The following CDH12 variants were observed in gnomAD, a reference collection of about 807,000 sequenced individuals.
The protein encoded by CDH12 is cadherin-12.
Under a neutral mutation model 74.1 loss-of-function variants are expected in CDH12, and 41 were observed. That is an observed-to-expected ratio of 0.55 (90% confidence interval 0.43 to 0.72). The LOEUF (loss-of-function observed/expected upper bound fraction) is 0.72, where lower values mean the gene tolerates loss of function less well. CDH12 is among the 30% of genes least tolerant of loss of function. The pLI is 0.00. For synonymous variants in CDH12, 399 were observed against 355.0 expected (o/e 1.12, Z -1.39); for missense variants, 945 against 977.2 (o/e 0.97, Z 0.44).
At chr5:22,547,519 GA>G (rs1210756240) in intron 1 of CDH12, among the ~76,000 whole-genome samples, 1 of 152,138 alleles carries the variant, frequency 6.6e-6, no homozygotes, top group African/African-American at 2.4e-5. Context: ...ATTAGAAATA[GA>G]AATTTTCCTT....
chr5:22,244,481 CAA>C (rs1186093322), intron 3 of CDH12, among the ~76,000 whole-genome samples: 3 of 96,264 alleles, frequency 3.1e-5, no homozygotes, highest in African/African-American at 1.3e-4. Flanking sequence ...GATGACAGAA[CAA>C]GACTCTGCCT....
intron 6 of CDH12, among the ~76,000 whole-genome samples, chr5:21,900,528 C>T (rs1258534848): frequency 6.6e-6 from 1 of 152,048 alleles, no homozygotes; most frequent in Non-Finnish European, 1.5e-5. Flanking sequence ...AAAAACAAAC[C>T]ATGCCAATTC....
chr5:22,251,640 C>T (rs1427818512), intron 3 of CDH12, among the ~76,000 whole-genome samples: 1 of 152,004 alleles, frequency 6.6e-6, no homozygotes, highest in East Asian at 1.9e-4. Flanking sequence ...GAGATTGATG[C>T]CTTGCACATG....
At chr5:21,850,744 A>G (rs1015271971) in intron 7 of CDH12, among the ~76,000 whole-genome samples, 2 of 151,512 alleles carry the variant, frequency 1.3e-5, no homozygotes, top group Admixed American at 1.3e-4. Flanking sequence ...CTTAAGCAGA[A>G]TTTAGAACAG....
chr5:22,267,145 G>C (rs1736158926), intron 3 of CDH12, among the ~76,000 whole-genome samples: 1 of 151,944 alleles, frequency 6.6e-6, no homozygotes, highest in South Asian at 2.1e-4. Flanking sequence ...GTTATCTTAG[G>C]GCTATTAATG....
chr5:22,677,482 G>A (rs56369746), intron 1 of CDH12, among the ~76,000 whole-genome samples: 1 of 151,956 alleles, frequency 6.6e-6, no homozygotes, highest in Non-Finnish European at 1.5e-5. Context: ...TCACTTATAA[G>A]GGCACTAATC....
At chr5:22,651,294 T>A (rs1196762206) in intron 1 of CDH12, among the ~76,000 whole-genome samples, 1 of 152,122 alleles carries the variant, frequency 6.6e-6, no homozygotes, top group African/African-American at 2.4e-5. Context: ...ATGGCTGATA[T>A]ATTAGTCCAT....
At chr5:22,063,352 T>G (rs920007630) in intron 5 of CDH12, among the ~76,000 whole-genome samples, 1 of 152,152 alleles carries the variant, frequency 6.6e-6, no homozygotes, top group African/African-American at 2.4e-5. Context: ...TGGTTTCTCC[T>G]GGATTTTTCA....
intron 2 of CDH12, among the ~76,000 whole-genome samples, chr5:22,437,004 T>C (rs1006505480): frequency 6.6e-6 from 1 of 152,084 alleles, no homozygotes; most frequent in Non-Finnish European, 1.5e-5. Flanking sequence ...ATTTAATCTA[T>C]AAATTAACAT....
chr5:21,822,538 A>T (rs1474940631), intron 8 of CDH12, among the ~76,000 whole-genome samples: 1 of 152,072 alleles, frequency 6.6e-6, no homozygotes. Context: ...AATGTTGTCC[A>T]TAAGAAAGAA....
At chr5:22,138,106 T>C (rs1326622024) in intron 4 of CDH12, among the ~76,000 whole-genome samples, 1 of 152,054 alleles carries the variant, frequency 6.6e-6, no homozygotes, top group Non-Finnish European at 1.5e-5. Context: ...GCTTGCTCCC[T>C]TTGTGGTAAC....
chr5:22,504,433 C>T (rs1281924473), intron 2 of CDH12, among the ~76,000 whole-genome samples: 1 of 151,984 alleles, frequency 6.6e-6, no homozygotes, highest in Non-Finnish European at 1.5e-5. Context: ...AGTTTGAAAA[C>T]CATCACAGGA....
chr5:22,096,508 G>A (rs1306977621), intron 4 of CDH12, among the ~76,000 whole-genome samples: 1 of 151,918 alleles, frequency 6.6e-6, no homozygotes, highest in Non-Finnish European at 1.5e-5. Flanking sequence ...GCAGAGCTAG[G>A]TGCCAATTCT....
At chr5:22,842,570 C>T (rs1737125103) in intron 1 of CDH12, among the ~76,000 whole-genome samples, 1 of 151,922 alleles carries the variant, frequency 6.6e-6, no homozygotes, top group Non-Finnish European at 1.5e-5. Context: ...TGTTGTAGGC[C>T]AAGAGTACAT....
At chr5:21,884,376 C>T (rs1317593009) in intron 6 of CDH12, 5 of 994,168 alleles carry the variant, frequency 5.0e-6, no homozygotes, top group Middle Eastern at 3.1e-4. Context: ...CAGTGTTCCT[C>T]ACCAATAACT....
intron 1 of CDH12, among the ~76,000 whole-genome samples, chr5:22,579,217 TA>T (rs1739954917): frequency 6.6e-6 from 1 of 152,160 alleles, no homozygotes; most frequent in Non-Finnish European, 1.5e-5. Context: ...TTAGTTCCCT[TA>T]GGCTACTGTG....
At chr5:21,777,608 C>T (rs1344102948) in intron 11 of CDH12, among the ~76,000 whole-genome samples, 2 of 151,596 alleles carry the variant, frequency 1.3e-5, no homozygotes, top group African/African-American at 2.4e-5. Context: ...CTGCAACCTC[C>T]GCCTCCCGAG....
At chr5:21,919,785 CATG>C (rs1461416914) in intron 6 of CDH12, among the ~76,000 whole-genome samples, 1 of 152,112 alleles carries the variant, frequency 6.6e-6, no homozygotes, top group Non-Finnish European at 1.5e-5. Context: ...ATTTAAAGAT[CATG>C]ATAAGCCTGC....
At chr5:21,859,790 G>T (rs2150006468) in intron 6 of CDH12, among the ~76,000 whole-genome samples, 1 of 152,154 alleles carries the variant, frequency 6.6e-6, no homozygotes, top group South Asian at 2.1e-4. Flanking sequence ...GGGAGTTACA[G>T]TGTTGGCTGG....
Sources: allele counts gnomAD v4.1 joint callset (sites outside exome capture counted in the v4.1 genomes callset), GRCh38; gene constraint gnomAD v4.1.1; transcripts MANE v1.5; gene names NCBI Gene and HGNC (gene_info 2026-07-23, HGNC 2026-07-21).